TRPS1: variants seen among roughly 807,000 people sequenced by gnomAD.
TRPS1 encodes the protein transcriptional repressor GATA binding 1, also known as zinc finger transcription factor Trps1.
TRPS1 carries 6 observed loss-of-function variants against 101.2 expected under a neutral mutation model. The observed-to-expected ratio is 0.06, with a 90% CI of 0.03 to 0.12. The LOEUF (loss-of-function observed/expected upper bound fraction) is 0.12, where lower values mean the gene tolerates loss of function less well. Ranked by LOEUF, TRPS1 falls within the 10% of genes least tolerant of loss-of-function variation. The pLI is 1.00. For missense variants in TRPS1, 1,363 were observed against 1,567.0 expected, an observed-to-expected ratio of 0.87 and a Z score of 2.20; for synonymous variants, 578 against 589.8, an observed-to-expected ratio of 0.98 and a Z score of 0.29.
chr8:115,653,709 C>T (rs1811615202), intron 1 of TRPS1, among the ~76,000 whole-genome samples: 1 of 152,172 alleles, frequency 6.6e-6, no homozygotes, highest in South Asian at 2.1e-4. Context: ...AGGCTGCCTT[C>T]TGGCTAAAAG....
rs73367468 is a variant in TRPS1 at position 115,451,991 on chromosome 8, G to A, written c.2701-33539C>T. Among the ~76,000 whole-genome samples the A allele has an allele frequency of 7.7e-3, 1,164 of 152,130 alleles. 51 individuals are homozygous for A. Among genetic ancestry groups the A allele is most frequent in the Admixed American group, 0.066 (1,002 of 15,280 alleles). Reference sequence around the variant, plus strand: ...CAACCCCCACTTCTAAAACTTAAGCGCTAAAGGCCAATATTAAAGTTTTGA... The same window carrying A: ...CAACCCCCACTTCTAAAACTTAAGCACTAAAGGCCAATATTAAAGTTTTGA... On this transcript the variant is annotated intron_variant, in intron 5 of 6. Coordinates refer to ENST00000395715, the MANE Select transcript of TRPS1 (RefSeq NM_014112.5).
At chr8:115,597,742 T>C (rs2130473669) in intron 4 of TRPS1, among the ~76,000 whole-genome samples, 1 of 152,286 alleles carries the variant, frequency 6.6e-6, no homozygotes, top group South Asian at 2.1e-4. Context: ...ATTTATGTGT[T>C]ATGTATTTAG....
intron 5 of TRPS1, among the ~76,000 whole-genome samples, chr8:115,453,112 C>A (rs1368473565): frequency 6.6e-6 from 1 of 151,938 alleles, no homozygotes; most frequent in Non-Finnish European, 1.5e-5. Flanking sequence ...ACCTCCGCCT[C>A]CTGGGTTCAA....
chr8:115,544,918 CCT>C (rs1447899061), intron 5 of TRPS1, among the ~76,000 whole-genome samples: 2 of 151,794 alleles, frequency 1.3e-5, no homozygotes, highest in African/African-American at 2.4e-5. Flanking sequence ...TTTTGGTTCC[CCT>C]CTTTTAATAT....
chr8:115,459,398 G>A (rs1457426712), intron 5 of TRPS1, among the ~76,000 whole-genome samples: 3 of 152,054 alleles, frequency 2.0e-5, no homozygotes, highest in African/African-American at 7.2e-5. Context: ...ACAGCTTGCA[G>A]TGCACTATCT....
chr8:115,657,912 T>C (rs922213253), intron 1 of TRPS1, among the ~76,000 whole-genome samples: 3 of 151,902 alleles, frequency 2.0e-5, no homozygotes, highest in Non-Finnish European at 4.4e-5. Flanking sequence ...GGAAAAGTTA[T>C]AAAGAAAGGT....
intron 5 of TRPS1, among the ~76,000 whole-genome samples, chr8:115,555,601 C>T (rs1390349794): frequency 6.6e-6 from 1 of 151,760 alleles, no homozygotes; most frequent in Non-Finnish European, 1.5e-5. Context: ...ATAATGACAT[C>T]AGTATGTGGT....
At chr8:115,585,996 A>C (rs369803884) in intron 5 of TRPS1, among the ~76,000 whole-genome samples, 1 of 152,218 alleles carries the variant, frequency 6.6e-6, no homozygotes, top group East Asian at 1.9e-4. Context: ...TGGGAAGAGC[A>C]ATTTTTCTCC....
Position 115,555,112 on chromosome 8 carries a change from G to A in TRPS1, c.2700+31889C>T, listed in dbSNP as rs574569729. On this transcript the variant is annotated intron_variant, in intron 5 of 6. Transcript: ENST00000395715. ...CCCTAGAAGCTACTAACTGTCAAAG[G>A]CAAACACAGTTTAACAGACACTTAA... Among the ~76,000 whole-genome samples the A allele has an allele frequency of 2.6e-5, 4 of 152,244 alleles. No homozygotes were observed. In the East Asian group the frequency reaches 7.7e-4, roughly 29 times the overall value.
chr8:115,435,195 T>C lies in TRPS1; in HGVS notation c.2701-16743A>G, dbSNP rs376922622. ...TTCTCCATCAATCAATTTATTGACC[T>C]ATCTATCTAGCTAGCTACTGAAGTT... On this transcript the variant is annotated intron_variant, in intron 5 of 6. Coordinates refer to ENST00000395715, the MANE Select transcript of TRPS1 (RefSeq NM_014112.5). 3.9e-5 allele frequency among the ~76,000 whole-genome samples: 6 copies of C among 152,238 alleles called. No homozygotes were observed. In the East Asian group the frequency reaches 9.6e-4, roughly 24 times the overall value.
intron 5 of TRPS1, among the ~76,000 whole-genome samples, chr8:115,491,108 C>T (rs950731624): frequency 6.6e-6 from 1 of 152,130 alleles, no homozygotes; most frequent in Non-Finnish European, 1.5e-5. Flanking sequence ...GGGAGACAAA[C>T]AAAGGAGACA....
At chr8:115,606,485 T>G (rs1206543658) in intron 3 of TRPS1, among the ~76,000 whole-genome samples, 2 of 152,150 alleles carry the variant, frequency 1.3e-5, no homozygotes, top group African/African-American at 4.8e-5. Flanking sequence ...GATGTAATAT[T>G]TCACATTAGG....
chr8:115,504,830 A>G (rs1815402837), intron 5 of TRPS1, among the ~76,000 whole-genome samples: 1 of 152,162 alleles, frequency 6.6e-6, no homozygotes, highest in Admixed American at 6.5e-5. Flanking sequence ...ATATATTAAG[A>G]TTATGTCATA....
chr8:115,442,029 ACTT>A (rs1407134486), intron 5 of TRPS1, among the ~76,000 whole-genome samples: 1 of 151,970 alleles, frequency 6.6e-6, no homozygotes, highest in Non-Finnish European at 1.5e-5. Flanking sequence ...TTATTACAAA[ACTT>A]CTTCACAAAT....
intron 4 of TRPS1, among the ~76,000 whole-genome samples, chr8:115,592,844 C>A (rs7822127): frequency 6.6e-6 from 1 of 152,102 alleles, no homozygotes; most frequent in Non-Finnish European, 1.5e-5. Context: ...CTTTGTATTT[C>A]TTACAAGGTC....
intron 5 of TRPS1, among the ~76,000 whole-genome samples, chr8:115,549,671 T>TAAA (rs36083510): frequency 1.8e-5 from 2 of 114,130 alleles, no homozygotes; most frequent in Non-Finnish European, 3.7e-5. Flanking sequence ...AATACTCTAT[T>TAAA]AAAAAAAAAA....
chr8:115,589,292 A>C (rs942421889), intron 4 of TRPS1, among the ~76,000 whole-genome samples: 3 of 152,198 alleles, frequency 2.0e-5, no homozygotes, highest in Non-Finnish European at 4.4e-5. Context: ...GTAGGTGCTC[A>C]AATGCATGTT....
intron 5 of TRPS1, among the ~76,000 whole-genome samples, chr8:115,554,295 G>A (rs1187961366): frequency 6.6e-6 from 1 of 152,008 alleles, no homozygotes; most frequent in African/African-American, 2.4e-5. Context: ...CCTAAGAGTA[G>A]AGTCCCACTT....
intron 5 of TRPS1, among the ~76,000 whole-genome samples, chr8:115,555,015 C>A (rs1816784896): frequency 6.6e-6 from 1 of 152,174 alleles, no homozygotes; most frequent in African/African-American, 2.4e-5. Context: ...TCTCTTTCTA[C>A]TTCCTAGTTA....
Sources: gnomAD v4.1 joint callset for allele counts (sites outside exome capture counted in the v4.1 genomes callset) on GRCh38, gnomAD v4.1.1 for gene constraint, MANE v1.5 for transcripts, NCBI Gene and HGNC (gene_info 2026-07-23, HGNC 2026-07-21) for gene names.